Variants in IPO5 observed in about 807,000 individuals in gnomAD.
The protein encoded by IPO5 is importin-5.
Under a neutral mutation model 143.3 loss-of-function variants are expected in IPO5, and 18 were observed. That is an observed-to-expected ratio of 0.13 (90% CI 0.09 to 0.19). The LOEUF (loss-of-function observed/expected upper bound fraction) is 0.19, where lower values mean the gene tolerates loss of function less well. IPO5 is among the 10% of genes least tolerant of loss of function. IPO5 has a pLI of 1.00. For missense variants in IPO5, 1,013 were observed against 1,336.9 expected (o/e 0.76, Z 3.78); for synonymous variants, 477 against 465.7 (o/e 1.02, Z -0.31).
chr13:98,012,483 C>T (rs1265224664), intron 21 of IPO5, 141 bp downstream of exon 21: 9 of 603,910 alleles, frequency 1.5e-5, no homozygotes, highest in Non-Finnish European at 2.1e-5. Context: ...GTGATAAACT[C>T]GGTTCTCTGC....
At chr13:98,015,509 T>C (rs202040223) in intron 22 of IPO5, 21 bp from the exon 23 acceptor site, 18 of 1,428,556 alleles carry the variant, frequency 1.3e-5, no homozygotes, top group Admixed American at 3.8e-5. Flanking sequence ...ATGGATTGCT[T>C]TCTTTCCTCA....
At position 97,962,272 on chromosome 13, in the gene IPO5, G is replaced by A. The variant is rs547473274; in HGVS notation, c.-112-7451G>A. Among the ~76,000 whole-genome samples the A allele has an allele frequency of 2.0e-5, 3 of 152,232 alleles. No individual in the cohort carries two copies. The South Asian group carries it at 6.2e-4, about 32-fold the overall frequency. ...TTTCTCTTCTGCCTTTTGTGATTTT[G>A]ATGTCATAGCTAAAAAATGATTGCC... On this transcript the variant is annotated intron_variant, in intron 2 of 28. Coordinates refer to ENST00000651721, the MANE Select transcript of IPO5 (RefSeq NM_002271.6).
At position 98,023,767 on chromosome 13, in the gene IPO5, G is replaced by A. The variant is rs984150250; in HGVS notation, c.*1945G>A. ...ACTGGCAGCATCCTCCTTGATAAAA[G>A]CAGAAAAGCAAAGAGGTAATTGGAG... On this transcript the variant is annotated 3_prime_UTR_variant, in exon 29 of 29. Transcript: ENST00000651721. 4 of 152,288 alleles carry A rather than the reference G, an allele frequency of 2.6e-5. No individual in the cohort carries two copies. Among genetic ancestry groups the A allele is most frequent in the South Asian group, 2.1e-4 (1 of 4,820 alleles). The allele number at this position is 152,288 out of a possible 1,614,324, so 9.4% of individuals were successfully genotyped here. A position where few individuals can be genotyped will look rare whatever the true frequency, so the allele number is the denominator to read the frequency against.
At chr13:97,994,295 C>T (rs985050140) in intron 11 of IPO5, among the ~76,000 whole-genome samples, 2 of 151,322 alleles carry the variant, frequency 1.3e-5, no homozygotes, top group Non-Finnish European at 2.9e-5. Context: ...GCAACAAGAG[C>T]GAAACTCGTC....
intron 11 of IPO5, 137 bp downstream of exon 11, chr13:97,993,362 G>A: frequency 5.4e-6 from 4 of 736,582 alleles, no homozygotes; most frequent in Non-Finnish European, 8.9e-6. Context: ...TTGGGAAAAT[G>A]CATCTCAATA....
intron 18 of IPO5, 116 bp from the exon 19 acceptor site, chr13:98,009,765 T>TACTGTGAACATATCAATAAA (rs1472459265): frequency 3.8e-6 from 3 of 781,788 alleles, no homozygotes; most frequent in African/African-American, 3.5e-5. Context: ...TCTTACTGCT[T>TACTGTGAACATATCAATAAA]AAAGTACTGT....
intron 11 of IPO5, among the ~76,000 whole-genome samples, chr13:97,994,774 G>T (rs959991914): frequency 1.3e-5 from 2 of 152,178 alleles, no homozygotes; most frequent in Non-Finnish European, 2.9e-5. Flanking sequence ...AAAGGGTAGA[G>T]TGTAGGAGAA....
intron 11 of IPO5, among the ~76,000 whole-genome samples, chr13:97,994,768 G>A (rs1451163440): frequency 6.6e-6 from 1 of 152,144 alleles, no homozygotes; most frequent in Non-Finnish European, 1.5e-5. Flanking sequence ...TGGAACAAAG[G>A]GTAGAGTGTA....
Position 98,016,883 on chromosome 13 carries a change from C to T in IPO5, c.2616+32C>T, listed in dbSNP as rs779978635. 6.9e-6 allele frequency: 10 copies of T among 1,443,090 alleles called. No homozygotes were observed. In the Admixed American group the frequency reaches 1.1e-4, roughly 16 times the overall value. The allele number at this position is 1,443,090 out of a possible 1,614,324, so 89.4% of individuals were successfully genotyped here. Reference sequence around the variant, plus strand: ...GTTACCTCTCTTAATAGTTGTTTTGCGTAGTTTACCTGGAATTCTTTTCAC... The same window carrying T: ...GTTACCTCTCTTAATAGTTGTTTTGTGTAGTTTACCTGGAATTCTTTTCAC... On this transcript the variant is annotated intron_variant, in intron 25 of 28. Coordinates refer to ENST00000651721, the MANE Select transcript of IPO5 (RefSeq NM_002271.6).
At chr13:97,993,560 C>T (rs1445614542) in intron 11 of IPO5, among the ~76,000 whole-genome samples, 1 of 152,188 alleles carries the variant, frequency 6.6e-6, no homozygotes, top group Non-Finnish European at 1.5e-5. Flanking sequence ...CAGTAGCGAA[C>T]TACAAACCAA....
Position 98,015,784 on chromosome 13 carries a change from A to C in IPO5, c.2493+3A>C. 6.3e-7 allele frequency: 1 copy of C among 1,597,546 alleles called. No homozygotes were observed. Among genetic ancestry groups the C allele is most frequent in the South Asian group, 1.1e-5 (1 of 88,912 alleles). On this transcript the variant is annotated splice_donor_region_variant and intron_variant, in intron 24 of 28. Coordinates refer to ENST00000651721, the MANE Select transcript of IPO5 (RefSeq NM_002271.6). ...TCGAAGAGTCACTACAAGATGAGGTAAGTTATTCCCTTTGGAACTTACTTA... is the reference window on the plus strand; with the variant it reads ...TCGAAGAGTCACTACAAGATGAGGTCAGTTATTCCCTTTGGAACTTACTTA...
intron 3 of IPO5, chr13:97,975,883 C>T (rs1232325875): frequency 6.1e-6 from 6 of 984,582 alleles, no homozygotes; most frequent in African/African-American, 1.7e-5. Flanking sequence ...ACCCCTCTTC[C>T]GGGCAAGCCC....
intron 3 of IPO5, among the ~76,000 whole-genome samples, chr13:97,971,019 G>T (rs780602402): frequency 2.6e-5 from 4 of 152,172 alleles, no homozygotes; most frequent in Admixed American, 6.5e-5. Context: ...CCATTTCAGA[G>T]AAGAAGAAAC....
At chr13:97,988,135 A>G (rs977493524) in intron 6 of IPO5, 5 of 164,500 alleles carry the variant, frequency 3.0e-5, no homozygotes, top group East Asian at 1.7e-4. Flanking sequence ...CTTTGTGACA[A>G]TATAACCAGA....
chr13:98,009,037 G>A (rs1040438341), intron 18 of IPO5, among the ~76,000 whole-genome samples: 12 of 152,238 alleles, frequency 7.9e-5, no homozygotes, highest in African/African-American at 2.7e-4. Flanking sequence ...GCAGACTGCT[G>A]ACAGTAGGGA....
intron 12 of IPO5, among the ~76,000 whole-genome samples, chr13:97,999,857 G>A (rs1888613380): frequency 6.6e-6 from 1 of 152,170 alleles, no homozygotes. Context: ...TTCATTGATA[G>A]GTTTGAAGAC....
Position 97,976,690 on chromosome 13 carries a change from T to C in IPO5, c.-4-3T>C. On this transcript the variant is annotated splice_region_variant and splice_polypyrimidine_tract_variant and intron_variant, in intron 3 of 28. Coordinates refer to ENST00000651721, the MANE Select transcript of IPO5 (RefSeq NM_002271.6). ...CCCCTCCCTCCTTCTCTCTCACGCC[T>C]AGCGCAATGGCGGCGGCCGCGGCGG... 7.5e-7 allele frequency: 1 copy of C among 1,325,144 alleles called. No homozygotes were observed. The highest frequency in any genetic ancestry group is 9.9e-7 in the Non-Finnish European group (1 of 1,005,092). 82.1% of individuals were successfully genotyped at this position (1,325,144 alleles called of 1,614,324 possible). A position where few individuals can be genotyped will look rare whatever the true frequency, so the allele number is the denominator to read the frequency against.
At chr13:98,008,890 G>A (rs1424868170) in intron 18 of IPO5, among the ~76,000 whole-genome samples, 1 of 152,170 alleles carries the variant, frequency 6.6e-6, no homozygotes, top group Non-Finnish European at 1.5e-5. Flanking sequence ...TTGCCACACT[G>A]TAATAGTTTA....
Position 97,985,561 on chromosome 13 carries a change from C to T in IPO5, c.312C>T (p.Ser104=). ...TTATTCAGATGGAAACACAATCTAG[C>T]ATGAGGAAAAAAGTTTGTGATATTG... ...LMIIQMETQS[S]MRKKVCDIAA... The change falls in exon 6 of 29, where the codon AGC becomes AGT. Residue 104 remains serine, a synonymous_variant. Transcript: ENST00000651721. 2 of 1,613,696 alleles carry T rather than the reference C, an allele frequency of 1.2e-6. No individual in the cohort carries two copies. The highest frequency in any genetic ancestry group is 1.7e-6 in the Non-Finnish European group (2 of 1,179,958).
Sources: gnomAD v4.1 joint callset for allele counts (sites outside exome capture counted in the v4.1 genomes callset) on GRCh38, gnomAD v4.1.1 for gene constraint, MANE v1.5 for transcripts, NCBI Gene and HGNC (gene_info 2026-07-23, HGNC 2026-07-21) for gene names.